The following KCNN3 variants were observed in gnomAD, a reference collection of about 807,000 sequenced individuals.
KCNN3 encodes the protein potassium calcium-activated channel subfamily N member 3, also known as small conductance calcium-activated potassium channel protein 3.
In KCNN3, 16 loss-of-function variants were observed where a neutral mutation model predicts 62.9. The observed-to-expected ratio is 0.25, with a 90% CI of 0.17 to 0.39. The LOEUF (loss-of-function observed/expected upper bound fraction) is 0.39. KCNN3 is among the 10% of genes least tolerant of loss of function. The pLI is 1.00. For missense variants in KCNN3, 599 were observed against 949.4 expected, an observed-to-expected ratio of 0.63 and a Z score of 4.85; for synonymous variants, 370 against 389.2, an observed-to-expected ratio of 0.95 and a Z score of 0.58.
intron 1 of KCNN3, among the ~76,000 whole-genome samples, chr1:154,854,801 A>G (rs1652453498): frequency 6.6e-6 from 1 of 152,262 alleles, no homozygotes; most frequent in Non-Finnish European, 1.5e-5. Flanking sequence ...GTAAAAATGC[A>G]TCTTTTTAAA....
At chr1:154,758,790 C>A (rs558041147) in intron 3 of KCNN3, among the ~76,000 whole-genome samples, 1 of 82,874 alleles carries the variant, frequency 1.2e-5, no homozygotes, top group East Asian at 4.2e-4. Flanking sequence ...AGGAGAACAT[C>A]GTTTTGTTTT....
Position 154,809,595 on chromosome 1 carries a change from G to C in KCNN3, c.1029+12494C>G, listed in dbSNP as rs1399825490. 1.3e-5 allele frequency among the ~76,000 whole-genome samples: 2 copies of C among 152,200 alleles called. No homozygotes were observed. The highest frequency in any genetic ancestry group is 2.1e-4 in the South Asian group (1 of 4,824). ...GGTTTAGATGAAGCTATTATACTCA[G>C]GCTCATCACATGTGGGAGGGCAGGA... On this transcript the variant is annotated intron_variant, in intron 2 of 7. Transcript: ENST00000271915. The surrounding 1 kb of genome is among the most constrained non-coding windows in gnomAD (Gnocchi z 4.3).
chr1:154,861,319 A>T (rs1652762320), intron 1 of KCNN3, among the ~76,000 whole-genome samples: 1 of 152,080 alleles, frequency 6.6e-6, no homozygotes, highest in South Asian at 2.1e-4. Flanking sequence ...TCGGGGCCTG[A>T]GTGTGCAGAA....
chr1:154,865,731 C>T (rs78139082), intron 1 of KCNN3, among the ~76,000 whole-genome samples: 2,842 of 152,210 alleles, frequency 0.019, 75 homozygotes, highest in African/African-American at 0.065. Flanking sequence ...AGCAGCCACC[C>T]GCCAAACATA....
chr1:154,782,189 G>A (rs1649080365), intron 2 of KCNN3, among the ~76,000 whole-genome samples: 1 of 152,172 alleles, frequency 6.6e-6, no homozygotes, highest in African/African-American at 2.4e-5. Flanking sequence ...GTCACAGAAG[G>A]AGCTTCCTCA....
chr1:154,858,876 C>T (rs146784073), intron 1 of KCNN3, among the ~76,000 whole-genome samples: 156 of 152,170 alleles, frequency 1.0e-3, no homozygotes, highest in African/African-American at 3.7e-3. Flanking sequence ...CTTCTATGGG[C>T]CTTGGGGTCC....
intron 4 of KCNN3, among the ~76,000 whole-genome samples, chr1:154,729,604 CATAAA>C (rs1424259329): frequency 1.3e-5 from 2 of 152,068 alleles, no homozygotes; most frequent in African/African-American, 4.8e-5. Flanking sequence ...ACTAAAGAAG[CATAAA>C]ATAAAATAAA....
At chr1:154,825,028 G>C (rs1332622241) in intron 1 of KCNN3, among the ~76,000 whole-genome samples, 2 of 152,242 alleles carry the variant, frequency 1.3e-5, no homozygotes, top group Non-Finnish European at 2.9e-5. Context: ...ACATGTCAAA[G>C]AAGTCTGGCT....
At chr1:154,783,174 C>T (rs1649131231) in intron 2 of KCNN3, among the ~76,000 whole-genome samples, 1 of 150,252 alleles carries the variant, frequency 6.7e-6, no homozygotes, top group Non-Finnish European at 1.5e-5. Flanking sequence ...GATCGCACCA[C>T]TGTACTCCAG....
chr1:154,867,013 G>T (rs1652982977), intron 1 of KCNN3, among the ~76,000 whole-genome samples: 1 of 152,182 alleles, frequency 6.6e-6, no homozygotes, highest in African/African-American at 2.4e-5. Flanking sequence ...ACTGTCTCTG[G>T]GAATAGCCGT....
intron 2 of KCNN3, among the ~76,000 whole-genome samples, chr1:154,776,072 G>C (rs981458127): frequency 6.6e-6 from 1 of 152,228 alleles, no homozygotes; most frequent in Non-Finnish European, 1.5e-5. Flanking sequence ...GGAGGGTGCT[G>C]GTCCCCAGCT....
intron 5 of KCNN3, among the ~76,000 whole-genome samples, chr1:154,719,318 C>T (rs1700297344): frequency 1.3e-5 from 2 of 152,170 alleles, no homozygotes; most frequent in South Asian, 4.1e-4. Flanking sequence ...TAAATACACA[C>T]ATCTTGGACA....
intron 2 of KCNN3, among the ~76,000 whole-genome samples, chr1:154,808,828 T>C (rs1004172019): frequency 6.6e-6 from 1 of 152,176 alleles, no homozygotes; most frequent in African/African-American, 2.4e-5. Flanking sequence ...AAAGAGCTGA[T>C]AGGGACCTTG....
intron 1 of KCNN3, among the ~76,000 whole-genome samples, chr1:154,835,940 G>A (rs1331382717): frequency 6.6e-6 from 1 of 152,206 alleles, no homozygotes; most frequent in Non-Finnish European, 1.5e-5. Flanking sequence ...CAAGTCTTCT[G>A]TATAGACTGA....
chr1:154,817,890 G>A (rs1650730532), intron 2 of KCNN3, among the ~76,000 whole-genome samples: 1 of 152,162 alleles, frequency 6.6e-6, no homozygotes, highest in South Asian at 2.1e-4. Context: ...AAGGGCAAAG[G>A]AGGAGAGGAT....
At chr1:154,821,274 C>T (rs1309951274) in intron 2 of KCNN3, among the ~76,000 whole-genome samples, 4 of 152,164 alleles carry the variant, frequency 2.6e-5, no homozygotes, top group African/African-American at 4.8e-5. Context: ...GCCAAAGGAC[C>T]GGGATGGTTT....
At chr1:154,740,009 C>G (rs1700795831) in intron 3 of KCNN3, among the ~76,000 whole-genome samples, 1 of 152,230 alleles carries the variant, frequency 6.6e-6, no homozygotes, top group Non-Finnish European at 1.5e-5. Context: ...TGGTAAATGT[C>G]TGCTGTTTTT....
rs540754419 is a variant in KCNN3, at chr1:154,726,650, A to G, written c.1591-624T>C. Among the ~76,000 whole-genome samples, 5 of 152,314 alleles carry G rather than the reference A, an allele frequency of 3.3e-5. No individual in the cohort carries two copies. In the East Asian group the frequency reaches 9.7e-4, roughly 29 times the overall value. On this transcript the variant is annotated intron_variant, in intron 4 of 7. Transcript: ENST00000271915. The stretch of plus-strand genomic sequence containing the variant: ...CTCTACACTTGGGCTTTTTCACCTC[A>G]AGGTTTACGCTATGACTCAGCACAA...
intron 1 of KCNN3, among the ~76,000 whole-genome samples, chr1:154,828,499 G>A (rs1651236984): frequency 6.6e-6 from 1 of 152,188 alleles, no homozygotes; most frequent in African/African-American, 2.4e-5. Flanking sequence ...GGCTAACGAA[G>A]ATGTTCCTTG....
Sources: allele counts gnomAD v4.1 joint callset (sites outside exome capture counted in the v4.1 genomes callset), GRCh38; gene constraint gnomAD v4.1.1; non-coding constraint Gnocchi (gnomAD v3.1); transcripts MANE v1.5; gene names NCBI Gene and HGNC (gene_info 2026-07-23, HGNC 2026-07-21).